RIMBP2: variants seen among roughly 807,000 people sequenced by gnomAD.
RIMBP2 encodes the protein RIMS binding protein 2, also known as RIMS-binding protein 2.
Under a neutral mutation model 118.6 loss-of-function variants are expected in RIMBP2, and 48 were observed. The observed-to-expected ratio is 0.40, with a 90% CI of 0.32 to 0.51. The LOEUF is 0.51. Among genes scored for constraint, RIMBP2 ranks in the 20% least tolerant of loss-of-function variants. RIMBP2 has a pLI of 0.41. For synonymous variants in RIMBP2, 762 were observed against 742.9 expected (o/e 1.03, Z -0.42); for missense variants, 1,551 against 1,768.3 (o/e 0.88, Z 2.20).
chr12:130,694,047 A>T (rs2065458650), intron 1 of RIMBP2, among the ~76,000 whole-genome samples: 1 of 152,202 alleles, frequency 6.6e-6, no homozygotes, highest in Admixed American at 6.5e-5. Context: ...TAAGAATATA[A>T]ACCCTTCTCT....
intron 6 of RIMBP2, among the ~76,000 whole-genome samples, chr12:130,464,755 T>C (rs1364144642): frequency 2.0e-5 from 3 of 152,244 alleles, no homozygotes; most frequent in Admixed American, 6.5e-5. Context: ...TGAGTCTCTC[T>C]GTCCAGGGCC....
chr12:130,629,015 T>G (rs1421868242), intron 1 of RIMBP2, among the ~76,000 whole-genome samples: 1 of 152,196 alleles, frequency 6.6e-6, no homozygotes, highest in Non-Finnish European at 1.5e-5. Context: ...CCATCAAATA[T>G]TCAAAAACAA....
At chr12:130,433,482 C>G (rs2077289198) in intron 14 of RIMBP2, among the ~76,000 whole-genome samples, 1 of 152,208 alleles carries the variant, frequency 6.6e-6, no homozygotes, top group South Asian at 2.1e-4. Context: ...ACCCTCAGCA[C>G]ATGCCAGAGC....
chr12:130,409,092 AC>A (rs2075452125), intron 19 of RIMBP2, among the ~76,000 whole-genome samples: 1 of 152,204 alleles, frequency 6.6e-6, no homozygotes, highest in African/African-American at 2.4e-5. Context: ...AGGTGGCATA[AC>A]AACATACATG....
chr12:130,645,284 T>C (rs962593948), intron 1 of RIMBP2, among the ~76,000 whole-genome samples: 1 of 151,914 alleles, frequency 6.6e-6, no homozygotes, highest in Non-Finnish European at 1.5e-5. Flanking sequence ...TAGAGACGGG[T>C]TTCACCATGC....
intron 18 of RIMBP2, 87 bp downstream of exon 18, chr12:130,414,038 G>A (rs927616493): frequency 2.9e-6 from 4 of 1,399,212 alleles, no homozygotes; most frequent in Admixed American, 1.7e-5. Flanking sequence ...CCATCTCTAA[G>A]TCGATACCCT....
At chr12:130,671,821 T>C (rs758086941) in intron 1 of RIMBP2, among the ~76,000 whole-genome samples, 1 of 152,100 alleles carries the variant, frequency 6.6e-6, no homozygotes. Context: ...GTTTAATGAT[T>C]GCCTGAAATG....
chr12:130,706,539 T>G (rs980668614), intron 1 of RIMBP2, among the ~76,000 whole-genome samples: 6 of 152,250 alleles, frequency 3.9e-5, no homozygotes, highest in Non-Finnish European at 4.4e-5. Flanking sequence ...ACAGATGCTG[T>G]GGGGCACAGG....
At chr12:130,444,466 G>A (rs1405046602) in intron 10 of RIMBP2, among the ~76,000 whole-genome samples, 1 of 152,222 alleles carries the variant, frequency 6.6e-6, no homozygotes, top group Non-Finnish European at 1.5e-5. Flanking sequence ...TCAGGGGGAA[G>A]AGGAAGAAAC....
intron 4 of RIMBP2, among the ~76,000 whole-genome samples, chr12:130,481,136 C>T (rs1200490088): frequency 2.1e-5 from 3 of 142,096 alleles, no homozygotes; most frequent in Admixed American, 6.9e-5. Flanking sequence ...TGTGGCCCCT[C>T]GGGAGGAGGC....
intron 4 of RIMBP2, among the ~76,000 whole-genome samples, chr12:130,496,939 C>T (rs76585008): frequency 6.6e-6 from 1 of 152,162 alleles, no homozygotes; most frequent in Non-Finnish European, 1.5e-5. Context: ...GCAACCCATC[C>T]TCTCATGCCC....
At chr12:130,579,226 C>G (rs570541388) in intron 2 of RIMBP2, among the ~76,000 whole-genome samples, 1 of 152,142 alleles carries the variant, frequency 6.6e-6, no homozygotes, top group Non-Finnish European at 1.5e-5. Context: ...CATTCCCTGG[C>G]TAATAAGAGG....
intron 2 of RIMBP2, among the ~76,000 whole-genome samples, chr12:130,598,198 T>G (rs1323485931): frequency 1.3e-5 from 2 of 152,128 alleles, no homozygotes; most frequent in Non-Finnish European, 2.9e-5. Context: ...ACTTGCCAAC[T>G]GAAAATAACA....
At chr12:130,493,300 G>A (rs930057355) in intron 4 of RIMBP2, among the ~76,000 whole-genome samples, 1 of 151,698 alleles carries the variant, frequency 6.6e-6, no homozygotes, top group African/African-American at 2.4e-5. Context: ...TTTGTTTTTT[G>A]TTGTTTCTTT....
chr12:130,520,503 A>AAC (rs35608453), intron 2 of RIMBP2, among the ~76,000 whole-genome samples: 10,738 of 151,338 alleles, frequency 0.071, 474 homozygotes, highest in South Asian at 0.16. Flanking sequence ...CTCTACTAAA[A>AAC]ACACACACAC....
chr12:130,577,563 T>A (rs2058171797), intron 2 of RIMBP2, among the ~76,000 whole-genome samples: 1 of 152,094 alleles, frequency 6.6e-6, no homozygotes, highest in African/African-American at 2.4e-5. Flanking sequence ...TCCCTCACTA[T>A]CGCGAGAACA....
chr12:130,713,231 A>AAGGAAGGAAGAT (rs1950070814), intron 1 of RIMBP2, among the ~76,000 whole-genome samples: 2 of 140,272 alleles, frequency 1.4e-5, no homozygotes, highest in Admixed American at 7.0e-5. Context: ...GGAAGGAAGG[A>AAGGAAGGAAGAT]AGGAAGGAAG....
At chr12:130,571,367 C>A (rs2057633461) in intron 2 of RIMBP2, among the ~76,000 whole-genome samples, 1 of 151,752 alleles carries the variant, frequency 6.6e-6, no homozygotes, top group Admixed American at 6.6e-5. Context: ...GTGTTCGCTG[C>A]CACACACAAG....
At chr12:130,708,039 G>A (rs1385554628) in intron 1 of RIMBP2, among the ~76,000 whole-genome samples, 1 of 152,128 alleles carries the variant, frequency 6.6e-6, no homozygotes, top group South Asian at 2.1e-4. Flanking sequence ...CCACACAGTG[G>A]AATATTATTC....
Sources: gnomAD v4.1 joint callset for allele counts (sites outside exome capture counted in the v4.1 genomes callset) on GRCh38, gnomAD v4.1.1 for gene constraint, MANE v1.5 for transcripts, NCBI Gene and HGNC (gene_info 2026-07-23, HGNC 2026-07-21) for gene names.